ZHX2: variants seen among roughly 807,000 people sequenced by gnomAD.
The protein encoded by ZHX2 is zinc fingers and homeoboxes protein 2.
In ZHX2, 6 loss-of-function variants were observed where a neutral mutation model predicts 21.9. That is an observed-to-expected ratio of 0.27 (90% CI 0.15 to 0.54). The LOEUF (loss-of-function observed/expected upper bound fraction) is 0.54. ZHX2 is among the 20% of genes least tolerant of loss of function. ZHX2 has a pLI of 0.95. For missense variants in ZHX2, 908 were observed against 1,090.7 expected (o/e 0.83, Z 2.36); for synonymous variants, 434 against 437.1 (o/e 0.99, Z 0.09).
chr8:122,884,541 C>T (rs1214752590), intron 2 of ZHX2, among the ~76,000 whole-genome samples: 4 of 152,230 alleles, frequency 2.6e-5, no homozygotes. Context: ...CCCACCAGCA[C>T]TACCTTGCCT....
At chr8:122,854,438 C>T (rs1460714570) in intron 1 of ZHX2, among the ~76,000 whole-genome samples, 1 of 152,184 alleles carries the variant, frequency 6.6e-6, no homozygotes, top group African/African-American at 2.4e-5. Flanking sequence ...TGCTCAGAGC[C>T]AACCTAGTTG....
chr8:122,923,306 G>A (rs1167953700), intron 2 of ZHX2, among the ~76,000 whole-genome samples: 1 of 152,242 alleles, frequency 6.6e-6, no homozygotes, highest in African/African-American at 2.4e-5. Flanking sequence ...GATGGGCCTA[G>A]AGCAGCTGGA....
intron 2 of ZHX2, among the ~76,000 whole-genome samples, chr8:122,903,363 T>C (rs1444918719): frequency 6.6e-6 from 1 of 152,190 alleles, no homozygotes; most frequent in Non-Finnish European, 1.5e-5. Flanking sequence ...GACAAAGAAG[T>C]ATCAAGCATG....
At chr8:122,965,126 TG>T (rs1176373000) in intron 3 of ZHX2, among the ~76,000 whole-genome samples, 7 of 151,858 alleles carry the variant, frequency 4.6e-5, no homozygotes, top group African/African-American at 1.4e-4. Context: ...TCTTTTGAGT[TG>T]TTTTTTTCTT....
chr8:122,931,900 CG>C (rs1586398782), intron 2 of ZHX2, among the ~76,000 whole-genome samples: 1 of 152,026 alleles, frequency 6.6e-6, no homozygotes, highest in Admixed American at 6.6e-5. Context: ...TGCCTTGGAT[CG>C]GGGTGGTCAT....
intron 1 of ZHX2, among the ~76,000 whole-genome samples, chr8:122,804,971 C>A (rs1308118305): frequency 6.6e-6 from 1 of 152,192 alleles, no homozygotes; most frequent in African/African-American, 2.4e-5. Context: ...CCCAGCCATC[C>A]CCCAGCTGTA....
rs1341219316 is a variant in ZHX2, at chr8:122,951,328, A to G, written c.-183A>G. The stretch of plus-strand genomic sequence containing the variant: ...CCTGGTGTGTTTAGTGGTTGGTGCC[A>G]TTCCAATTTTCTGTGCTGAAATCAT... On this transcript the variant is annotated 5_prime_UTR_variant, in exon 3 of 4. Transcript: ENST00000314393. 2 of 606,132 alleles carry G rather than the reference A, an allele frequency of 3.3e-6. No homozygotes were observed. Among genetic ancestry groups the G allele is most frequent in the South Asian group, 2.0e-5 (1 of 49,004 alleles). 37.5% of individuals were successfully genotyped at this position (606,132 alleles called of 1,614,324 possible).
At chr8:122,933,315 T>G (rs1333856437) in intron 2 of ZHX2, among the ~76,000 whole-genome samples, 1 of 152,254 alleles carries the variant, frequency 6.6e-6, no homozygotes, top group Non-Finnish European at 1.5e-5. Flanking sequence ...AATGTTTTGA[T>G]AGCAGAATTT....
chr8:122,944,668 C>T (rs1455972232), intron 2 of ZHX2, among the ~76,000 whole-genome samples: 1 of 152,206 alleles, frequency 6.6e-6, no homozygotes, highest in African/African-American at 2.4e-5. Context: ...TCTTCGGCAA[C>T]TAGAACAGCA....
intron 2 of ZHX2, among the ~76,000 whole-genome samples, chr8:122,863,753 G>A (rs920715997): frequency 2.0e-5 from 3 of 152,202 alleles, no homozygotes; most frequent in Non-Finnish European, 4.4e-5. Flanking sequence ...GAGCACTGGA[G>A]CCTGCAGGTA....
chr8:122,801,140 C>T lies in ZHX2; in HGVS notation c.-283+19194C>T, dbSNP rs78624766. Reference sequence around the variant, plus strand: ...GCTATACATTTTCTGTAGTGTTTGGCGGTTCAAAATAACAACCCATGAAAA... The same window carrying T: ...GCTATACATTTTCTGTAGTGTTTGGTGGTTCAAAATAACAACCCATGAAAA... On this transcript the variant is annotated intron_variant, in intron 1 of 3. Coordinates refer to ENST00000314393, the MANE Select transcript of ZHX2 (RefSeq NM_014943.5). Among the ~76,000 whole-genome samples, 486 of 152,216 alleles carry T rather than the reference C, an allele frequency of 3.2e-3. 20 individuals carry two copies. The East Asian group carries it at 0.081, about 25-fold the overall frequency.
At chr8:122,924,850 T>A (rs1008249371) in intron 2 of ZHX2, among the ~76,000 whole-genome samples, 4 of 152,224 alleles carry the variant, frequency 2.6e-5, no homozygotes, top group Non-Finnish European at 5.9e-5. Flanking sequence ...TTTGAGGGTA[T>A]CTGAGTCGCG....
At chr8:122,930,759 G>A (rs1306355111) in intron 2 of ZHX2, among the ~76,000 whole-genome samples, 3 of 151,932 alleles carry the variant, frequency 2.0e-5, no homozygotes, top group Non-Finnish European at 4.4e-5. Flanking sequence ...CAAAGTGCTG[G>A]GAATACAGGT....
At chr8:122,891,876 G>A (rs1819988571) in intron 2 of ZHX2, among the ~76,000 whole-genome samples, 4 of 152,206 alleles carry the variant, frequency 2.6e-5, no homozygotes, top group African/African-American at 9.7e-5. Flanking sequence ...ATGTGCTAAT[G>A]AAAAGAAAGT....
chr8:122,784,632 T>C (rs1440410757), intron 1 of ZHX2, among the ~76,000 whole-genome samples: 1 of 152,262 alleles, frequency 6.6e-6, no homozygotes. Flanking sequence ...GATTTATTTA[T>C]TCATTCAGCA....
At chr8:122,939,882 G>A (rs1321302568) in intron 2 of ZHX2, among the ~76,000 whole-genome samples, 2 of 152,132 alleles carry the variant, frequency 1.3e-5, no homozygotes, top group Non-Finnish European at 2.9e-5. Flanking sequence ...GAGGAGGGGT[G>A]GAGCAGTCCT....
Position 122,952,841 on chromosome 8 carries a change from G to T in ZHX2, c.1331G>T (p.Arg444Leu). The change falls in exon 3 of 4, where the codon CGC becomes CTC. Residue 444 changes from arginine (R) to leucine (L), a missense_variant. Physicochemically the swap from Arg to Leu is moderately radical, Grantham distance 102. Coordinates refer to ENST00000314393, the MANE Select transcript of ZHX2 (RefSeq NM_014943.5). The surrounding 1 kb of genome is among the most constrained non-coding windows in gnomAD (Gnocchi z 6.9). ...ANPPLTPASD[R>L]KKTKEQIAHL... Reference sequence around the variant, plus strand: ...CCCCCGCTCACACCAGCCAGTGACCGCAAGAAGACAAAGGAGCAGATAGCA... The same window carrying T: ...CCCCCGCTCACACCAGCCAGTGACCTCAAGAAGACAAAGGAGCAGATAGCA... 1 of 1,614,098 alleles carries T rather than the reference G, an allele frequency of 6.2e-7. No individual in the cohort carries two copies. Among genetic ancestry groups the T allele is most frequent in the Non-Finnish European group, 8.5e-7 (1 of 1,180,036 alleles).
intron 1 of ZHX2, among the ~76,000 whole-genome samples, chr8:122,795,521 G>T (rs867745954): frequency 2.0e-5 from 3 of 151,452 alleles, no homozygotes; most frequent in Admixed American, 2.0e-4. Flanking sequence ...TGTCCTTGCA[G>T]GATCTTTCTG....
At chr8:122,794,114 A>G (rs1437512767) in intron 1 of ZHX2, among the ~76,000 whole-genome samples, 3 of 152,198 alleles carry the variant, frequency 2.0e-5, no homozygotes, top group African/African-American at 7.2e-5. Context: ...CTGAGTACCC[A>G]GCTTTCACTG....
Sources: allele counts gnomAD v4.1 joint callset (sites outside exome capture counted in the v4.1 genomes callset), GRCh38; gene constraint gnomAD v4.1.1; non-coding constraint Gnocchi (gnomAD v3.1); transcripts MANE v1.5; gene names NCBI Gene and HGNC (gene_info 2026-07-23, HGNC 2026-07-21).